The following RALGAPA2 variants were observed in gnomAD, a reference collection of about 807,000 sequenced individuals.
The protein encoded by RALGAPA2 is ral GTPase-activating protein subunit alpha-2.
Under a neutral mutation model 230.4 loss-of-function variants are expected in RALGAPA2, and 139 were observed. That is an observed-to-expected ratio of 0.60 (90% CI 0.53 to 0.69). The LOEUF is 0.69. Among genes scored for constraint, RALGAPA2 ranks in the 30% least tolerant of loss-of-function variants. The probability of loss-of-function intolerance (pLI) is 0.00; values close to 1 mark genes in which losing one functional copy is unlikely to be tolerated. For missense variants in RALGAPA2, 2,163 were observed against 2,276.0 expected, an observed-to-expected ratio of 0.95 and a Z score of 1.01; for synonymous variants, 847 against 837.8, an observed-to-expected ratio of 1.01 and a Z score of -0.19.
intron 4 of RALGAPA2, among the ~76,000 whole-genome samples, chr20:20,645,497 T>C (rs1370481476): frequency 2.0e-5 from 3 of 152,152 alleles, no homozygotes; most frequent in African/African-American, 4.8e-5. Flanking sequence ...AAAATACATA[T>C]AGAAAGGGCA....
chr20:20,411,248 G>A (rs964959185), intron 38 of RALGAPA2, among the ~76,000 whole-genome samples: 15 of 151,974 alleles, frequency 9.9e-5, no homozygotes, highest in Non-Finnish European at 1.9e-4. Context: ...TCTCTGAAAG[G>A]CAATTAATCT....
chr20:20,651,590 T>G (rs1156677036), intron 4 of RALGAPA2, among the ~76,000 whole-genome samples: 1 of 152,172 alleles, frequency 6.6e-6, no homozygotes, highest in Admixed American at 6.5e-5. Context: ...ACCAGCAATT[T>G]TAACCAGTTT....
chr20:20,651,786 T>C (rs2067407281), intron 4 of RALGAPA2, among the ~76,000 whole-genome samples: 1 of 152,158 alleles, frequency 6.6e-6, no homozygotes. Flanking sequence ...TTCATACAAA[T>C]GATATAAACA....
At chr20:20,677,281 T>C (rs1406478408) in intron 2 of RALGAPA2, among the ~76,000 whole-genome samples, 1 of 152,038 alleles carries the variant, frequency 6.6e-6, no homozygotes, top group Non-Finnish European at 1.5e-5. Flanking sequence ...TCAGAGAACA[T>C]CTCTCTGGTA....
intron 10 of RALGAPA2, among the ~76,000 whole-genome samples, chr20:20,622,660 C>G (rs906701098): frequency 6.6e-6 from 1 of 151,934 alleles, no homozygotes; most frequent in Non-Finnish European, 1.5e-5. Context: ...AAATTTGCTA[C>G]CAGGAGACCT....
chr20:20,701,653 G>T (rs550620114), intron 1 of RALGAPA2, among the ~76,000 whole-genome samples: 10 of 152,038 alleles, frequency 6.6e-5, no homozygotes, highest in African/African-American at 1.7e-4. Context: ...TTGCTAGAAC[G>T]GGGGAGGTGA....
At chr20:20,575,652 C>T (rs548523994) in intron 20 of RALGAPA2, among the ~76,000 whole-genome samples, 304 of 151,098 alleles carry the variant, frequency 2.0e-3, no homozygotes, top group Non-Finnish European at 3.7e-3. Flanking sequence ...CCATCATCAC[C>T]TCCTACTTTT....
At chr20:20,648,908 A>C (rs928891751) in intron 4 of RALGAPA2, among the ~76,000 whole-genome samples, 3 of 152,200 alleles carry the variant, frequency 2.0e-5, no homozygotes, top group Non-Finnish European at 2.9e-5. Context: ...GAGGAGCTTC[A>C]GACAAAAGTC....
At chr20:20,540,959 T>C (rs1055168669) in intron 24 of RALGAPA2, among the ~76,000 whole-genome samples, 13 of 152,058 alleles carry the variant, frequency 8.5e-5, no homozygotes, top group Non-Finnish European at 1.3e-4. Flanking sequence ...GAATCACTAT[T>C]TTGGTAATTG....
At chr20:20,614,731 C>T (rs16982038) in intron 13 of RALGAPA2, among the ~76,000 whole-genome samples, 1,634 of 152,320 alleles carry the variant, frequency 0.011, 27 homozygotes, top group African/African-American at 0.037. Context: ...AAGAATTGGA[C>T]TTGGTGGCCT....
In RALGAPA2 at chr20:20,513,126, C is replaced by T. The variant is rs774635288; in HGVS notation, c.4243G>A (p.Glu1415Lys). 135 of 1,570,978 alleles carry T rather than the reference C, an allele frequency of 8.6e-5. 1 individual carries two copies. Among genetic ancestry groups the T allele is most frequent in the East Asian group, 1.1e-4 (5 of 44,670 alleles). ...CTTCTGAACACCTCAAAGGACAGCT[C>T]GGAGCCTTCCACATGGGCATTGTCA... ...NHDNAHVEGSELSFEVFRSPN... is the reference protein window; with the variant it reads ...NHDNAHVEGSKLSFEVFRSPN... Residue 1415 changes from glutamate to lysine, a missense_variant, in exon 32 of 40, where the codon GAG (glutamate) becomes AAG (lysine). Physicochemically the swap from Glu to Lys is moderately conservative, Grantham distance 56. Transcript: ENST00000202677.
chr20:20,480,813 C>T (rs2061756239), intron 36 of RALGAPA2, among the ~76,000 whole-genome samples: 2 of 152,190 alleles, frequency 1.3e-5, no homozygotes, highest in South Asian at 4.1e-4. Context: ...GTATTTCATC[C>T]TGCTGAGCAT....
intron 24 of RALGAPA2, among the ~76,000 whole-genome samples, chr20:20,542,049 A>C (rs1259376058): frequency 6.6e-6 from 1 of 152,218 alleles, no homozygotes; most frequent in Non-Finnish European, 1.5e-5. Flanking sequence ...CTGGTAAGAC[A>C]CTTCAGCAAA....
rs925462398 is a variant in RALGAPA2, at chr20:20,390,281, C to A, written c.*3008G>T. The A allele has an allele frequency of 6.6e-6, 1 of 152,172 alleles. No individual in the cohort carries two copies. Among genetic ancestry groups the A allele is most frequent in the Admixed American group, 6.5e-5 (1 of 15,272 alleles). The allele number at this position is 152,172 out of a possible 1,614,324, so 9.4% of individuals were successfully genotyped here. On this transcript the variant is annotated 3_prime_UTR_variant, in exon 40 of 40. Transcript: ENST00000202677. ...ACCTATGTCACCAAGTTTGGGTCAC[C>A]CCACTTCCCCAACATGTGGCTCTTA...
intron 1 of RALGAPA2, among the ~76,000 whole-genome samples, chr20:20,699,131 A>ATGT (rs2069239774): frequency 1.3e-5 from 2 of 149,088 alleles, no homozygotes; most frequent in African/African-American, 5.0e-5. Context: ...GGTTAATTAC[A>ATGT]CGTTTTTTAT....
chr20:20,414,882 C>A (rs1381934009), intron 37 of RALGAPA2, among the ~76,000 whole-genome samples: 1 of 152,238 alleles, frequency 6.6e-6, no homozygotes, highest in Non-Finnish European at 1.5e-5. Flanking sequence ...AAACTGGGTG[C>A]TGTCATTTAG....
rs1315098398 is a variant in RALGAPA2 at position 20,589,332 on chromosome 20, G to A, written c.2375C>T (p.Ser792Phe). The A allele has an allele frequency of 2.5e-6, 4 of 1,592,280 alleles. No homozygotes were observed. The highest frequency in any genetic ancestry group is 3.4e-6 in the Non-Finnish European group (4 of 1,167,762). ...CTCTTGAATAGGCTGAGGCTCTGAAGAACTCGAATTCTGTGTGTTTTCTGC... is the reference window on the plus strand; with the variant it reads ...CTCTTGAATAGGCTGAGGCTCTGAAAAACTCGAATTCTGTGTGTTTTCTGC... Reference protein sequence around the residue: ...QKAENTQNSSSSEPQPIQENK... With the variant: ...QKAENTQNSSFSEPQPIQENK... Residue 792 changes from serine (S) to phenylalanine (F), a missense_variant, in exon 18 of 40, where the codon TCT becomes TTT. Coordinates refer to ENST00000202677, the MANE Select transcript of RALGAPA2 (RefSeq NM_020343.4).
chr20:20,690,237 T>C (rs776930666), intron 1 of RALGAPA2, among the ~76,000 whole-genome samples: 3 of 152,124 alleles, frequency 2.0e-5, no homozygotes, highest in Non-Finnish European at 4.4e-5. Flanking sequence ...AGTAATAACA[T>C]ACTCAAGATA....
At chr20:20,626,124 C>T (rs921875072) in intron 10 of RALGAPA2, among the ~76,000 whole-genome samples, 9 of 152,212 alleles carry the variant, frequency 5.9e-5, no homozygotes, top group African/African-American at 2.2e-4. Flanking sequence ...ACTTCTTGAA[C>T]ATCCATTTTA....
Sources: gnomAD v4.1 joint callset for allele counts (sites outside exome capture counted in the v4.1 genomes callset) on GRCh38, gnomAD v4.1.1 for gene constraint, MANE v1.5 for transcripts, NCBI Gene and HGNC (gene_info 2026-07-23, HGNC 2026-07-21) for gene names.